KLHL1: variants seen among roughly 807,000 people sequenced by gnomAD.
KLHL1 encodes the protein kelch-like protein 1.
In KLHL1, 47 loss-of-function variants were observed where a neutral mutation model predicts 77.7. That is an observed-to-expected ratio of 0.60 (90% CI 0.48 to 0.77). The LOEUF is 0.77. Ranked by LOEUF, KLHL1 falls within the 30% of genes least tolerant of loss-of-function variation. The pLI is 0.00. For missense variants in KLHL1, 925 were observed against 910.8 expected (o/e 1.02, Z -0.20); for synonymous variants, 360 against 325.2 (o/e 1.11, Z -1.15).
intron 4 of KLHL1, among the ~76,000 whole-genome samples, chr13:69,901,187 A>G (rs1326065813): frequency 1.3e-5 from 2 of 152,220 alleles, no homozygotes; most frequent in Admixed American, 1.3e-4. Context: ...GTTAATTTAT[A>G]TTATTTTGGT....
chr13:69,964,739 TTTATATTCC>T (rs2137275372), intron 2 of KLHL1, among the ~76,000 whole-genome samples: 1 of 152,266 alleles, frequency 6.6e-6, no homozygotes, highest in South Asian at 2.1e-4. Flanking sequence ...CTCAAATGTC[TTTATATTCC>T]TGATTGCTTT....
intron 2 of KLHL1, among the ~76,000 whole-genome samples, chr13:69,969,449 A>C (rs1884315535): frequency 6.6e-6 from 1 of 152,094 alleles, no homozygotes; most frequent in African/African-American, 2.4e-5. Flanking sequence ...GTTTTATCAA[A>C]AGCATTAATT....
At chr13:70,034,442 C>CTTA (rs1356109404) in intron 1 of KLHL1, among the ~76,000 whole-genome samples, 1 of 152,116 alleles carries the variant, frequency 6.6e-6, no homozygotes, top group African/African-American at 2.4e-5. Flanking sequence ...TGTTGCTATT[C>CTTA]ATTGACCAAT....
Position 69,701,766 on chromosome 13 carries a change from T to TA in KLHL1, c.2188-6dup. On this transcript the variant is annotated splice_region_variant and splice_polypyrimidine_tract_variant and intron_variant, in intron 10 of 10. Coordinates refer to ENST00000377844, the MANE Select transcript of KLHL1 (RefSeq NM_020866.3). ...CCCAATATTCAAGGAAGCCATCTGT[T>TA]AAAAAAGATGAAACACAACTTAAGA... 6.2e-7 allele frequency: 1 copy of TA among 1,601,420 alleles called. No individual in the cohort carries two copies.
chr13:69,749,918 G>T (rs1874400088), intron 7 of KLHL1, among the ~76,000 whole-genome samples: 1 of 151,740 alleles, frequency 6.6e-6, no homozygotes, highest in African/African-American at 2.4e-5. Flanking sequence ...ATAAAAAAGG[G>T]TTTTAATTAT....
rs1161812001 is a variant in KLHL1 at position 69,730,520 on chromosome 13, TTCCTCTATTA to T, written c.1802+9864_1802+9873del. On this transcript the variant is annotated intron_variant, in intron 8 of 10. Transcript: ENST00000377844. Reference sequence around the variant, plus strand: ...ATAAAAAGGCAAAAAGTATTATGCTTTCCTCTATTATCCTCTATTAGAATTATAAAAATTT... The same window carrying T: ...ATAAAAAGGCAAAAAGTATTATGCTTTCCTCTATTAGAATTATAAAAATTT... 4.6e-5 allele frequency among the ~76,000 whole-genome samples: 7 copies of T among 152,240 alleles called. No homozygotes were observed. In the East Asian group the frequency reaches 9.7e-4, roughly 21 times the overall value.
Position 69,871,023 on chromosome 13 carries a change from C to T in KLHL1, c.1227+11260G>A, listed in dbSNP as rs143348887. On this transcript the variant is annotated intron_variant, in intron 5 of 10. Transcript: ENST00000377844. ...CTCTCACAGTTCCACAGGGAAGTGT[C>T]CTAGCAGTTATTCTTTGTGGTGGCT... 3.1e-3 allele frequency among the ~76,000 whole-genome samples: 479 copies of T among 152,132 alleles called. 1 individual carries two copies. The highest frequency in any genetic ancestry group is 5.2e-3 in the Admixed American group (79 of 15,256).
intron 5 of KLHL1, among the ~76,000 whole-genome samples, chr13:69,853,233 G>A (rs1879763991): frequency 6.6e-6 from 1 of 151,962 alleles, no homozygotes; most frequent in Non-Finnish European, 1.5e-5. Flanking sequence ...GACCCAGTGG[G>A]AAGTAGTTAA....
At chr13:69,785,593 A>G (rs1219013543) in intron 7 of KLHL1, among the ~76,000 whole-genome samples, 1 of 128,140 alleles carries the variant, frequency 7.8e-6, no homozygotes, top group Non-Finnish European at 1.7e-5. Context: ...GATCACAATT[A>G]AAAACTAGAA....
chr13:69,971,140 C>G (rs1425260209), intron 2 of KLHL1, among the ~76,000 whole-genome samples: 1 of 152,022 alleles, frequency 6.6e-6, no homozygotes, highest in East Asian at 1.9e-4. Flanking sequence ...GAGTGAATAA[C>G]TTGGGTACAT....
At chr13:69,922,074 G>A (rs191197665) in intron 4 of KLHL1, among the ~76,000 whole-genome samples, 38 of 151,960 alleles carry the variant, frequency 2.5e-4, no homozygotes, top group African/African-American at 8.0e-4. Flanking sequence ...GACTAAACGT[G>A]CACACGACAG....
At chr13:69,815,228 A>G (rs1425154973) in intron 6 of KLHL1, among the ~76,000 whole-genome samples, 2 of 152,190 alleles carry the variant, frequency 1.3e-5, no homozygotes, top group African/African-American at 2.4e-5. Context: ...AAAAGAAATC[A>G]TTCTACTAAA....
intron 4 of KLHL1, among the ~76,000 whole-genome samples, chr13:69,923,044 G>A (rs776394256): frequency 6.6e-6 from 1 of 152,062 alleles, no homozygotes; most frequent in Non-Finnish European, 1.5e-5. Context: ...ACAGAAGATG[G>A]AAGCAAATGC....
chr13:69,793,524 A>C (rs1214070892), intron 7 of KLHL1, among the ~76,000 whole-genome samples: 1 of 151,840 alleles, frequency 6.6e-6, no homozygotes, highest in African/African-American at 2.4e-5. Context: ...AATCAAAGGG[A>C]AAAAAGCTAG....
At chr13:69,782,393 A>G (rs1021447574) in intron 7 of KLHL1, among the ~76,000 whole-genome samples, 15 of 152,234 alleles carry the variant, frequency 9.9e-5, no homozygotes, top group African/African-American at 3.4e-4. Context: ...GCAAGGGGTC[A>G]GGGAGTTCCC....
At chr13:69,891,356 G>A (rs1881420913) in intron 4 of KLHL1, among the ~76,000 whole-genome samples, 1 of 151,914 alleles carries the variant, frequency 6.6e-6, no homozygotes, top group African/African-American at 2.4e-5. Context: ...TCTCAAAACT[G>A]TTTCTAGTAT....
At position 69,776,693 on chromosome 13, in the gene KLHL1, A is replaced by G. The variant is rs115834476; in HGVS notation, c.1639+20045T>C. Reference sequence around the variant, plus strand: ...CAGGTTAAAGGCATTTGTTAAAAAAAGAAAAATATAAAATAATTAATTTCC... The same window carrying G: ...CAGGTTAAAGGCATTTGTTAAAAAAGGAAAAATATAAAATAATTAATTTCC... On this transcript the variant is annotated intron_variant, in intron 7 of 10. Coordinates refer to ENST00000377844, the MANE Select transcript of KLHL1 (RefSeq NM_020866.3). 6.0e-3 allele frequency among the ~76,000 whole-genome samples: 920 copies of G among 152,352 alleles called. 8 individuals are homozygous for G. Among genetic ancestry groups the G allele is most frequent in the African/African-American group, 0.02 (835 of 41,594 alleles).
At chr13:70,103,058 G>A (rs909271473) in intron 1 of KLHL1, among the ~76,000 whole-genome samples, 1 of 152,042 alleles carries the variant, frequency 6.6e-6, no homozygotes, top group East Asian at 1.9e-4. Context: ...ATTCTAAGAA[G>A]ACAAAACACA....
At chr13:69,832,421 A>T (rs891881162) in intron 6 of KLHL1, among the ~76,000 whole-genome samples, 1 of 150,060 alleles carries the variant, frequency 6.7e-6, no homozygotes, top group Non-Finnish European at 1.5e-5. Flanking sequence ...CTGCATGGAA[A>T]ACTACAAAAC....
Sources: gnomAD v4.1 joint callset for allele counts (sites outside exome capture counted in the v4.1 genomes callset) on GRCh38, gnomAD v4.1.1 for gene constraint, MANE v1.5 for transcripts, NCBI Gene and HGNC (gene_info 2026-07-23, HGNC 2026-07-21) for gene names.